The following GRM1 variants were observed in gnomAD, a reference collection of about 807,000 sequenced individuals.
GRM1 encodes glutamate metabotropic receptor 1.
GRM1 carries 33 observed loss-of-function variants against 90.9 expected under a neutral mutation model. That is an observed-to-expected ratio of 0.36 (90% CI 0.28 to 0.49). GRM1 has a LOEUF of 0.49. GRM1 is among the 20% of genes least tolerant of loss of function. The probability of loss-of-function intolerance (pLI) is 0.99; values close to 1 mark genes in which losing one functional copy is unlikely to be tolerated. For synonymous variants in GRM1, 700 were observed against 613.2 expected (o/e 1.14, Z -2.09); for missense variants, 1,190 against 1,534.3 (o/e 0.78, Z 3.75).
intron 1 of GRM1, among the ~76,000 whole-genome samples, chr6:146,096,003 C>A (rs142769886): frequency 6.6e-6 from 1 of 152,096 alleles, no homozygotes; most frequent in East Asian, 1.9e-4. Flanking sequence ...GACCTCAAGA[C>A]GCAGATTTAT....
chr6:146,300,576 T>G (rs368507946), intron 2 of GRM1, among the ~76,000 whole-genome samples: 19 of 152,206 alleles, frequency 1.2e-4, no homozygotes, highest in African/African-American at 4.6e-4. Context: ...GACATACAGC[T>G]TTCTGTTAAA....
intron 2 of GRM1, among the ~76,000 whole-genome samples, chr6:146,291,356 T>C (rs1336619681): frequency 6.6e-6 from 1 of 150,956 alleles, no homozygotes; most frequent in African/African-American, 2.4e-5. Flanking sequence ...TTGACAGAAA[T>C]ATGTATATAT....
intron 3 of GRM1, among the ~76,000 whole-genome samples, chr6:146,331,505 A>G (rs1784587379): frequency 6.6e-6 from 1 of 152,220 alleles, no homozygotes; most frequent in South Asian, 2.1e-4. Context: ...GGGTGTGTGC[A>G]TGTATAGATT....
chr6:146,079,501 C>CT, intron 1 of GRM1, among the ~76,000 whole-genome samples: 1 of 152,220 alleles, frequency 6.6e-6, no homozygotes, highest in Non-Finnish European at 1.5e-5. Context: ...GTTGTTGAAA[C>CT]TTTATAAGAA....
At chr6:146,055,401 G>A (rs751085815) in intron 1 of GRM1, among the ~76,000 whole-genome samples, 3 of 151,908 alleles carry the variant, frequency 2.0e-5, no homozygotes, top group Non-Finnish European at 4.4e-5. Context: ...TTTTAGGAAA[G>A]CGTGCTCTTA....
At chr6:146,392,776 A>C (rs1198278036) in intron 6 of GRM1, among the ~76,000 whole-genome samples, 1 of 152,140 alleles carries the variant, frequency 6.6e-6, no homozygotes, top group East Asian at 1.9e-4. Context: ...ATGAGTGAGA[A>C]CATGCAATGT....
At chr6:146,040,000 G>A (rs1791037867) in intron 1 of GRM1, among the ~76,000 whole-genome samples, 1 of 151,984 alleles carries the variant, frequency 6.6e-6, no homozygotes, top group South Asian at 2.1e-4. Flanking sequence ...TTTGAAATTT[G>A]TCAGAAAATA....
At chr6:146,307,032 A>G (rs1260762239) in intron 3 of GRM1, among the ~76,000 whole-genome samples, 2 of 152,200 alleles carry the variant, frequency 1.3e-5, no homozygotes, top group African/African-American at 4.8e-5. Flanking sequence ...GATCATTTAT[A>G]TAAGGATTTC....
At chr6:146,158,711 T>C (rs1052249940) in intron 1 of GRM1, among the ~76,000 whole-genome samples, 2 of 152,204 alleles carry the variant, frequency 1.3e-5, no homozygotes, top group Admixed American at 1.3e-4. Context: ...GTTTTCAGTT[T>C]TTTGAAGTGT....
At chr6:146,418,228 C>G (rs960758746) in intron 7 of GRM1, among the ~76,000 whole-genome samples, 8 of 151,922 alleles carry the variant, frequency 5.3e-5, no homozygotes, top group Non-Finnish European at 8.8e-5. Flanking sequence ...AGAATGTTTA[C>G]ATTATATCTT....
At chr6:146,394,313 A>T (rs970501190) in intron 6 of GRM1, among the ~76,000 whole-genome samples, 2 of 152,158 alleles carry the variant, frequency 1.3e-5, no homozygotes, top group Non-Finnish European at 2.9e-5. Context: ...GGCTCAGATA[A>T]ATTCCTCTTA....
chr6:146,072,055 G>C (rs1383569936), intron 1 of GRM1, among the ~76,000 whole-genome samples: 1 of 152,080 alleles, frequency 6.6e-6, no homozygotes, highest in South Asian at 2.1e-4. Context: ...ACATAGATTA[G>C]GCCAATCTGT....
At chr6:146,296,227 A>C (rs1783174154) in intron 2 of GRM1, among the ~76,000 whole-genome samples, 1 of 152,210 alleles carries the variant, frequency 6.6e-6, no homozygotes, top group Non-Finnish European at 1.5e-5. Context: ...TCCTCTAGAT[A>C]TATACCCAGT....
chr6:146,202,215 A>G (rs1583157930), intron 2 of GRM1, among the ~76,000 whole-genome samples: 3 of 152,294 alleles, frequency 2.0e-5, no homozygotes, highest in African/African-American at 4.8e-5. Flanking sequence ...ATGCCTTATA[A>G]TATGTTCATT....
intron 1 of GRM1, among the ~76,000 whole-genome samples, chr6:146,036,508 G>T (rs1429995981): frequency 6.6e-6 from 1 of 151,872 alleles, no homozygotes; most frequent in Admixed American, 6.6e-5. Context: ...TGTTCTCTAT[G>T]AATGTCTACA....
rs1158211469 is a variant in GRM1 at position 146,067,327 on chromosome 6, G to A, written c.700+37110G>A. On this transcript the variant is annotated intron_variant, in intron 1 of 7. Transcript: ENST00000282753. ...ATATATGCCTTAAATCTCCTGTGAA[G>A]GTAGGCAGTGTATAAACTAAATTTA... Among the ~76,000 whole-genome samples, 3 of 152,116 alleles carry A rather than the reference G, an allele frequency of 2.0e-5. No homozygotes were observed. The East Asian group carries it at 5.8e-4, about 29-fold the overall frequency.
intron 2 of GRM1, among the ~76,000 whole-genome samples, chr6:146,227,458 TCA>T (rs1219286186): frequency 6.6e-6 from 1 of 152,210 alleles, no homozygotes; most frequent in African/African-American, 2.4e-5. Context: ...CATTGTAGTA[TCA>T]CACAGAATAG....
chr6:146,340,720 A>G (rs1053924428), intron 3 of GRM1, among the ~76,000 whole-genome samples: 6 of 151,842 alleles, frequency 4.0e-5, no homozygotes, highest in Admixed American at 2.0e-4. Flanking sequence ...TAATTTTTGT[A>G]TATTTATTAG....
At chr6:146,378,748 T>G (rs1226011139) in intron 5 of GRM1, among the ~76,000 whole-genome samples, 1 of 152,192 alleles carries the variant, frequency 6.6e-6, no homozygotes, top group Non-Finnish European at 1.5e-5. Flanking sequence ...AGTTAAGACT[T>G]TGTGGGACTG....
Sources: gnomAD v4.1 joint callset for allele counts (sites outside exome capture counted in the v4.1 genomes callset) on GRCh38, gnomAD v4.1.1 for gene constraint, MANE v1.5 for transcripts, NCBI Gene and HGNC (gene_info 2026-07-23, HGNC 2026-07-21) for gene names.